The following CDH4 variants were observed in gnomAD, a reference collection of about 807,000 sequenced individuals.
The protein encoded by CDH4 is cadherin-4.
Under a neutral mutation model 86.0 loss-of-function variants are expected in CDH4, and 33 were observed. The ratio of observed to expected loss-of-function variants is 0.38; its 90% CI spans 0.29 to 0.51. The LOEUF (loss-of-function observed/expected upper bound fraction) is 0.51. Ranked by LOEUF, CDH4 falls within the 20% of genes least tolerant of loss-of-function variation. CDH4 has a pLI of 0.86. For synonymous variants in CDH4, 555 were observed against 549.4 expected (o/e 1.01, Z -0.14); for missense variants, 1,114 against 1,307.4 (o/e 0.85, Z 2.28).
intron 2 of CDH4, among the ~76,000 whole-genome samples, chr20:61,553,725 AT>A (rs2086152882): frequency 6.6e-6 from 1 of 152,152 alleles, no homozygotes; most frequent in African/African-American, 2.4e-5. Context: ...TATCTTTTCC[AT>A]TTTAATTATT....
intron 2 of CDH4, among the ~76,000 whole-genome samples, chr20:61,454,547 G>A (rs1481912740): frequency 6.6e-6 from 1 of 152,144 alleles, no homozygotes; most frequent in Non-Finnish European, 1.5e-5. Flanking sequence ...CCGGGTTCAC[G>A]CCATTCTCCT....
chr20:61,731,238 G>A (rs1653799050), intron 2 of CDH4, among the ~76,000 whole-genome samples: 1 of 152,040 alleles, frequency 6.6e-6, no homozygotes, highest in African/African-American at 2.4e-5. Flanking sequence ...CCATTCTGAG[G>A]GTCTCCTGAG....
chr20:61,529,463 A>G (rs2085936105), intron 2 of CDH4, among the ~76,000 whole-genome samples: 1 of 152,220 alleles, frequency 6.6e-6, no homozygotes, highest in Non-Finnish European at 1.5e-5. Flanking sequence ...AATAAATTCT[A>G]TTTGTTGCAC....
chr20:61,280,113 C>T (rs1310082237), intron 2 of CDH4, among the ~76,000 whole-genome samples: 4 of 152,026 alleles, frequency 2.6e-5, no homozygotes, highest in African/African-American at 7.2e-5. Context: ...TGTGAGTCTG[C>T]GTCTGCCAGC....
chr20:61,419,306 C>T (rs199500270), intron 2 of CDH4, among the ~76,000 whole-genome samples: 5 of 152,262 alleles, frequency 3.3e-5, no homozygotes, highest in East Asian at 1.9e-4. Flanking sequence ...TATCGTACCC[C>T]GACAAATACA....
intron 2 of CDH4, among the ~76,000 whole-genome samples, chr20:61,346,036 A>G (rs940976813): frequency 3.3e-5 from 5 of 152,238 alleles, no homozygotes; most frequent in African/African-American, 9.6e-5. Flanking sequence ...GGAAGTACAC[A>G]GTGAGCAGAA....
At chr20:61,618,408 C>A (rs1420286668) in intron 2 of CDH4, among the ~76,000 whole-genome samples, 1 of 152,044 alleles carries the variant, frequency 6.6e-6, no homozygotes, top group Non-Finnish European at 1.5e-5. Flanking sequence ...ATTTTTATTT[C>A]TCTGAATGAA....
intron 7 of CDH4, among the ~76,000 whole-genome samples, chr20:61,883,249 C>G (rs1373887724): frequency 6.6e-6 from 1 of 152,022 alleles, no homozygotes; most frequent in Non-Finnish European, 1.5e-5. Context: ...GCACTGAGTG[C>G]CCTGTCCCTC....
intron 6 of CDH4, among the ~76,000 whole-genome samples, chr20:61,862,406 A>G (rs1449373124): frequency 6.6e-6 from 1 of 152,166 alleles, no homozygotes; most frequent in East Asian, 1.9e-4. Flanking sequence ...ATTCTGCAAG[A>G]TGGGCAGGAG....
intron 3 of CDH4, among the ~76,000 whole-genome samples, chr20:61,763,834 G>A (rs551753161): frequency 3.9e-5 from 6 of 152,260 alleles, no homozygotes; most frequent in African/African-American, 1.4e-4. Flanking sequence ...GCGTGGATTC[G>A]AGAATAAAAA....
At chr20:61,442,071 G>A (rs2085317424) in intron 2 of CDH4, among the ~76,000 whole-genome samples, 1 of 152,176 alleles carries the variant, frequency 6.6e-6, no homozygotes, top group East Asian at 1.9e-4. Flanking sequence ...CCACCCAGAC[G>A]CAAATGCCCC....
intron 2 of CDH4, among the ~76,000 whole-genome samples, chr20:61,575,520 A>G (rs775555165): frequency 5.3e-5 from 8 of 152,262 alleles, no homozygotes; most frequent in Non-Finnish European, 7.3e-5. Context: ...ACAGTTATTA[A>G]TAAAATCTTG....
intron 2 of CDH4, among the ~76,000 whole-genome samples, chr20:61,633,191 A>G (rs1040839795): frequency 2.8e-5 from 4 of 144,736 alleles, no homozygotes; most frequent in African/African-American, 1.0e-4. Context: ...TCCATCCTCC[A>G]TCCATTCATC....
chr20:61,391,746 G>A (rs1402576618), intron 2 of CDH4, among the ~76,000 whole-genome samples: 3 of 152,166 alleles, frequency 2.0e-5, no homozygotes, highest in Admixed American at 6.5e-5. Context: ...CTTCTTTTGC[G>A]TAGGTGGACA....
intron 2 of CDH4, among the ~76,000 whole-genome samples, chr20:61,548,123 G>A (rs999314051): frequency 2.0e-5 from 3 of 152,178 alleles, no homozygotes; most frequent in Non-Finnish European, 4.4e-5. Context: ...GGGGCTGGAG[G>A]TCCAGTCAGG....
chr20:61,927,869 G>A (rs770854147), intron 11 of CDH4, among the ~76,000 whole-genome samples: 22 of 152,200 alleles, frequency 1.4e-4, no homozygotes, highest in African/African-American at 5.3e-4. Flanking sequence ...TTGAGGTGCC[G>A]TGCGCAGTGG....
intron 2 of CDH4, among the ~76,000 whole-genome samples, chr20:61,581,528 C>T (rs1270119814): frequency 6.6e-6 from 1 of 152,160 alleles, no homozygotes; most frequent in Admixed American, 6.5e-5. Flanking sequence ...CACCCCTCCT[C>T]CTGGGATGGT....
intron 2 of CDH4, among the ~76,000 whole-genome samples, chr20:61,685,409 GCT>G (rs1227608856): frequency 6.6e-6 from 1 of 152,200 alleles, no homozygotes; most frequent in Non-Finnish European, 1.5e-5. Context: ...TTGAGCAAGT[GCT>G]CTGTGTACCA....
At chr20:61,668,039 T>C (rs2087346523) in intron 2 of CDH4, among the ~76,000 whole-genome samples, 2 of 152,218 alleles carry the variant, frequency 1.3e-5, no homozygotes, top group African/African-American at 2.4e-5. Flanking sequence ...ACCAGAGAGA[T>C]GCTAAGTGCT....
Sources: allele counts gnomAD v4.1 joint callset (sites outside exome capture counted in the v4.1 genomes callset), GRCh38; gene constraint gnomAD v4.1.1; transcripts MANE v1.5; gene names NCBI Gene and HGNC (gene_info 2026-07-23, HGNC 2026-07-21).